MMP26: variants seen among roughly 807,000 people sequenced by gnomAD.
The protein encoded by MMP26 is matrix metalloproteinase-26.
Under a neutral mutation model 31.0 loss-of-function variants are expected in MMP26, and 33 were observed. That is an observed-to-expected ratio of 1.06 (90% CI 0.81 to 1.42). MMP26 has a LOEUF of 1.42. Among genes scored for constraint, MMP26 ranks in the 40% most tolerant of loss-of-function variants. The pLI is 0.00. For missense variants in MMP26, 347 were observed against 316.1 expected, an observed-to-expected ratio of 1.10 and a Z score of -0.74; for synonymous variants, 122 against 114.9, an observed-to-expected ratio of 1.06 and a Z score of -0.40.
At chr11:4,731,673 A>G (rs1311221027) in intron 1 of MMP26, among the ~76,000 whole-genome samples, 2 of 152,184 alleles carry the variant, frequency 1.3e-5, no homozygotes, top group Admixed American at 1.3e-4. Context: ...TTAATGTTCT[A>G]TTACTTAATC....
chr11:4,794,513 C>T (rs73401060), intron 2 of MMP26, among the ~76,000 whole-genome samples: 10 of 152,040 alleles, frequency 6.6e-5, no homozygotes, highest in African/African-American at 1.4e-4. Flanking sequence ...CTTTATTGGT[C>T]GTTGGGTTGG....
At chr11:4,842,144 A>G (rs771374742) in intron 2 of MMP26, among the ~76,000 whole-genome samples, 2 of 152,222 alleles carry the variant, frequency 1.3e-5, no homozygotes, top group Admixed American at 6.5e-5. Context: ...ACTTTTCAAG[A>G]CATAGACAGC....
chr11:4,767,042 C>G (rs1392982297), intron 1 of MMP26, among the ~76,000 whole-genome samples: 5 of 151,986 alleles, frequency 3.3e-5, no homozygotes, highest in Non-Finnish European at 7.4e-5. Flanking sequence ...TAAACAAATT[C>G]ATTTACATAA....
At chr11:4,840,210 C>T (rs181397986) in intron 2 of MMP26, among the ~76,000 whole-genome samples, 34 of 152,276 alleles carry the variant, frequency 2.2e-4, no homozygotes, top group Admixed American at 6.5e-4. Context: ...TGCCTAAATC[C>T]CCGACAGCAT....
At chr11:4,852,805 T>C (rs984797517) in intron 2 of MMP26, among the ~76,000 whole-genome samples, 5 of 152,146 alleles carry the variant, frequency 3.3e-5, no homozygotes, top group East Asian at 3.9e-4. Flanking sequence ...AGCCAAGATA[T>C]GGAAACAAGT....
chr11:4,707,064 A>G (rs1847790153), intron 1 of MMP26, among the ~76,000 whole-genome samples: 1 of 152,198 alleles, frequency 6.6e-6, no homozygotes, highest in African/African-American at 2.4e-5. Flanking sequence ...CTCTTTGACT[A>G]ACTGATTTCC....
intron 1 of MMP26, among the ~76,000 whole-genome samples, chr11:4,722,470 C>CTTTTTT (rs60627073): frequency 9.4e-5 from 6 of 63,994 alleles, no homozygotes; most frequent in Admixed American, 2.3e-4. Flanking sequence ...GAAGTAATTA[C>CTTTTTT]TTTTTTTTTT....
intron 2 of MMP26, among the ~76,000 whole-genome samples, chr11:4,929,907 A>G (rs182768652): frequency 9.0e-4 from 137 of 152,244 alleles, no homozygotes; most frequent in African/African-American, 3.2e-3. Flanking sequence ...TTCATGTAGC[A>G]ATAGTATGAA....
intron 1 of MMP26, among the ~76,000 whole-genome samples, chr11:4,716,960 C>G (rs1847941353): frequency 6.6e-6 from 1 of 152,128 alleles, no homozygotes; most frequent in East Asian, 1.9e-4. Context: ...CCGTTCCCAG[C>G]CCTTTCTTAC....
chr11:4,848,277 A>C (rs748936962), intron 2 of MMP26: 1 of 1,613,496 alleles, frequency 6.2e-7, no homozygotes, highest in South Asian at 1.1e-5. Flanking sequence ...CAACCTGTTG[A>C]GTATTCTCTT....
At chr11:4,924,147 A>G (rs1158579004) in intron 2 of MMP26, 18 of 1,614,076 alleles carry the variant, frequency 1.1e-5, no homozygotes, top group Admixed American at 3.3e-5. Context: ...AGCATGCCCA[A>G]GAAATAGTAC....
chr11:4,962,396 C>T (rs1026111798), intron 2 of MMP26, among the ~76,000 whole-genome samples: 3 of 152,166 alleles, frequency 2.0e-5, no homozygotes, highest in African/African-American at 7.2e-5. Context: ...CATAAGGTTG[C>T]TTTCTTATTT....
At chr11:4,778,737 T>A (rs143538507) in intron 2 of MMP26, among the ~76,000 whole-genome samples, 1 of 152,236 alleles carries the variant, frequency 6.6e-6, no homozygotes, top group East Asian at 1.9e-4. Context: ...TTATAATTCA[T>A]GAACATGATA....
At chr11:4,855,230 G>C (rs922880811) in intron 2 of MMP26, among the ~76,000 whole-genome samples, 4 of 152,172 alleles carry the variant, frequency 2.6e-5, no homozygotes, top group Admixed American at 6.5e-5. Flanking sequence ...TTGACGAGTT[G>C]ACAGAAGTAG....
chr11:4,708,580 A>G (rs1440183195), intron 1 of MMP26, among the ~76,000 whole-genome samples: 1 of 152,220 alleles, frequency 6.6e-6, no homozygotes, highest in African/African-American at 2.4e-5. Context: ...GTAAAAGGGG[A>G]ACATAAATAT....
At chr11:4,821,607 C>T in intron 2 of MMP26, 3 of 1,613,932 alleles carry the variant, frequency 1.9e-6, no homozygotes, top group East Asian at 2.2e-5. Context: ...AGCCTATGTA[C>T]TATTTCCTCT....
At chr11:4,975,733 G>C (rs957307758) in intron 2 of MMP26, among the ~76,000 whole-genome samples, 5 of 151,906 alleles carry the variant, frequency 3.3e-5, no homozygotes, top group African/African-American at 1.2e-4. Flanking sequence ...CCTCCATGCT[G>C]TTCCTCCTGT....
intron 2 of MMP26, chr11:4,943,559 AAAG>A: frequency 2.2e-6 from 1 of 445,118 alleles, no homozygotes; most frequent in Non-Finnish European, 4.5e-6. Context: ...CCTGTACATT[AAAG>A]AATGGTTAGT....
At chr11:4,765,760 T>C (rs1230385437) in intron 1 of MMP26, among the ~76,000 whole-genome samples, 2 of 152,250 alleles carry the variant, frequency 1.3e-5, no homozygotes, top group African/African-American at 4.8e-5. Context: ...TTTTCACAGC[T>C]AATTTCCAGT....
Sources: gnomAD v4.1 joint callset for allele counts (sites outside exome capture counted in the v4.1 genomes callset) on GRCh38, gnomAD v4.1.1 for gene constraint, MANE v1.5 for transcripts, NCBI Gene and HGNC (gene_info 2026-07-23, HGNC 2026-07-21) for gene names.